ITPK1: variants seen among roughly 807,000 people sequenced by gnomAD.
ITPK1 encodes the protein inositol 1,3,4-trisphosphate 5/6-kinase.
ITPK1 carries 21 observed loss-of-function variants against 45.3 expected under a neutral mutation model. The observed-to-expected ratio is 0.46, with a 90% CI of 0.33 to 0.67. The LOEUF (loss-of-function observed/expected upper bound fraction) is 0.67, where lower values mean the gene tolerates loss of function less well. ITPK1 is among the 30% of genes least tolerant of loss of function. ITPK1 has a pLI of 0.02. For synonymous variants in ITPK1, 258 were observed against 253.6 expected (o/e 1.02, Z -0.16); for missense variants, 474 against 573.5 (o/e 0.83, Z 1.77).
chr14:93,001,296 A>AAAACAAAC (rs139436466), intron 4 of ITPK1, among the ~76,000 whole-genome samples: 1 of 150,896 alleles, frequency 6.6e-6, no homozygotes. Flanking sequence ...TGTCTCAGGA[A>AAAACAAAC]AAACAAACAA....
Position 93,053,889 on chromosome 14 carries a change from C to T in ITPK1, c.120+22706G>A, listed in dbSNP as rs116227206. Among the ~76,000 whole-genome samples, 477 of 152,228 alleles carry T rather than the reference C, an allele frequency of 3.1e-3. 4 individuals are homozygous for T. Among genetic ancestry groups the T allele is most frequent in the African/African-American group, 0.011 (453 of 41,528 alleles). ...CCTGGGCTGATGTTTGGGAGGTAGA[C>T]GGGACAGCCAGGCTTCAGAAACAGC... On this transcript the variant is annotated intron_variant, in intron 3 of 10. Coordinates refer to ENST00000267615, the MANE Select transcript of ITPK1 (RefSeq NM_014216.6).
chr14:93,086,797 C>T (rs1011447071), intron 2 of ITPK1, among the ~76,000 whole-genome samples: 1 of 152,228 alleles, frequency 6.6e-6, no homozygotes. Context: ...AGGTCATGGG[C>T]ACTGGGGTTT....
chr14:92,957,484 G>A (rs959297974), intron 8 of ITPK1, among the ~76,000 whole-genome samples: 44 of 152,192 alleles, frequency 2.9e-4, no homozygotes, highest in Admixed American at 2.6e-3. Flanking sequence ...TGGAGAGGGC[G>A]GTGAGCAGCT....
intron 3 of ITPK1, among the ~76,000 whole-genome samples, chr14:93,020,923 G>C (rs1382827989): frequency 1.3e-5 from 2 of 152,134 alleles, no homozygotes; most frequent in South Asian, 2.1e-4. Flanking sequence ...TCTCACAATA[G>C]TCTGAGACGG....
chr14:93,054,999 C>T (rs999146075), intron 3 of ITPK1, among the ~76,000 whole-genome samples: 16 of 152,216 alleles, frequency 1.1e-4, no homozygotes, highest in Admixed American at 7.2e-4. Context: ...CAAAGGTGAC[C>T]GCCAGCCTGC....
intron 8 of ITPK1, among the ~76,000 whole-genome samples, chr14:92,955,321 A>G (rs1416472929): frequency 6.6e-6 from 1 of 152,264 alleles, no homozygotes; most frequent in Non-Finnish European, 1.5e-5. Flanking sequence ...CTCCCGCTCT[A>G]CATGGTGAGA....
At chr14:93,083,201 T>C (rs903785898) in intron 2 of ITPK1, among the ~76,000 whole-genome samples, 1 of 151,816 alleles carries the variant, frequency 6.6e-6, no homozygotes, top group African/African-American at 2.4e-5. Context: ...AGGTGTGGCG[T>C]CAGGAGGTTA....
intron 9 of ITPK1, among the ~76,000 whole-genome samples, chr14:92,949,650 G>A (rs905879517): frequency 3.3e-5 from 5 of 152,240 alleles, no homozygotes; most frequent in Non-Finnish European, 7.3e-5. Flanking sequence ...TGGTGCCGAC[G>A]ACGGGAGGAG....
intron 4 of ITPK1, among the ~76,000 whole-genome samples, chr14:93,005,324 C>T (rs565086321): frequency 6.6e-6 from 1 of 152,266 alleles, no homozygotes; most frequent in East Asian, 1.9e-4. Flanking sequence ...TCTATCAGCT[C>T]CTGTGAGCCA....
chr14:93,085,551 C>T (rs76318013), intron 2 of ITPK1, among the ~76,000 whole-genome samples: 6,123 of 152,226 alleles, frequency 0.04, 424 homozygotes, highest in African/African-American at 0.14. Context: ...TGGCACCTCC[C>T]GGAGAGGTCA....
intron 3 of ITPK1, among the ~76,000 whole-genome samples, chr14:93,050,750 G>A (rs923337663): frequency 1.3e-5 from 2 of 151,952 alleles, no homozygotes; most frequent in Non-Finnish European, 2.9e-5. Context: ...CCAAGTCACG[G>A]GACCTCAGTG....
intron 3 of ITPK1, among the ~76,000 whole-genome samples, chr14:93,073,700 C>T (rs768589067): frequency 2.0e-5 from 3 of 152,172 alleles, no homozygotes; most frequent in Non-Finnish European, 2.9e-5. Flanking sequence ...TATGAACATG[C>T]AGAGGAGACC....
chr14:93,034,436 C>A lies in ITPK1; in HGVS notation c.121-17635G>T, dbSNP rs1267199289. On this transcript the variant is annotated intron_variant, in intron 3 of 10. Coordinates refer to ENST00000267615, the MANE Select transcript of ITPK1 (RefSeq NM_014216.6). The surrounding 1 kb of genome is among the most constrained non-coding windows in gnomAD (Gnocchi z 4.1). The stretch of plus-strand genomic sequence containing the variant: ...GCCTCCTCAGAGGGCGACTCCGGCC[C>A]CTCTGCCCAGTCTGTGCCTTCACTC... 6.6e-6 allele frequency among the ~76,000 whole-genome samples: 1 copy of A among 152,204 alleles called. No individual in the cohort carries two copies. The highest frequency in any genetic ancestry group is 2.4e-5 in the African/African-American group (1 of 41,452).
intron 3 of ITPK1, among the ~76,000 whole-genome samples, chr14:93,073,757 T>C (rs576947781): frequency 2.0e-5 from 3 of 152,134 alleles, no homozygotes; most frequent in Non-Finnish European, 2.9e-5. Context: ...CAGACAGACC[T>C]GCACTCAAAT....
chr14:93,000,369 G>A (rs576947019), intron 4 of ITPK1, among the ~76,000 whole-genome samples: 3 of 152,252 alleles, frequency 2.0e-5, no homozygotes, highest in South Asian at 2.1e-4. Context: ...CACTTTTCTG[G>A]TTCAACAAGG....
chr14:92,963,828 T>C (rs1885211187), intron 5 of ITPK1, among the ~76,000 whole-genome samples: 1 of 152,110 alleles, frequency 6.6e-6, no homozygotes, highest in African/African-American at 2.4e-5. Flanking sequence ...CTTGTCATTG[T>C]CCCCCTTCCC....
At chr14:93,084,179 G>A (rs1359804449) in intron 2 of ITPK1, among the ~76,000 whole-genome samples, 1 of 152,238 alleles carries the variant, frequency 6.6e-6, no homozygotes, top group Non-Finnish European at 1.5e-5. Context: ...GAGCCAGCCA[G>A]ACCCGCCACC....
At chr14:93,068,878 G>T (rs540050381) in intron 3 of ITPK1, 1 of 152,196 alleles carries the variant, frequency 6.6e-6, no homozygotes, top group Non-Finnish European at 1.5e-5. Context: ...TCTGAATTCC[G>T]AGAGCAGCTA....
intron 4 of ITPK1, among the ~76,000 whole-genome samples, 180 bp from the exon 5 acceptor site, chr14:92,994,177 G>A (rs1220561510): frequency 6.6e-6 from 1 of 152,260 alleles, no homozygotes; most frequent in African/African-American, 2.4e-5. Context: ...TGAGAGAGAG[G>A]CTTGACTAGG....
Sources: allele counts gnomAD v4.1 joint callset (sites outside exome capture counted in the v4.1 genomes callset), GRCh38; gene constraint gnomAD v4.1.1; non-coding constraint Gnocchi (gnomAD v3.1); transcripts MANE v1.5; gene names NCBI Gene and HGNC (gene_info 2026-07-23, HGNC 2026-07-21).